The following ITGA4 variants were observed in gnomAD, a reference collection of about 807,000 sequenced individuals.
The protein encoded by ITGA4 is integrin alpha-4.
In ITGA4, 63 loss-of-function variants were observed where a neutral mutation model predicts 133.6. The observed-to-expected ratio is 0.47, with a 90% CI of 0.38 to 0.58. The LOEUF (loss-of-function observed/expected upper bound fraction) is 0.58, where lower values mean the gene tolerates loss of function less well. Among genes scored for constraint, ITGA4 ranks in the 20% least tolerant of loss-of-function variants. The probability of loss-of-function intolerance (pLI) is 0.00; values close to 1 mark genes in which losing one functional copy is unlikely to be tolerated. For synonymous variants in ITGA4, 483 were observed against 438.0 expected, an observed-to-expected ratio of 1.10 and a Z score of -1.28; for missense variants, 1,076 against 1,252.7, an observed-to-expected ratio of 0.86 and a Z score of 2.13.
At chr2:181,510,985 A>C (rs553974424) in intron 16 of ITGA4, among the ~76,000 whole-genome samples, 1 of 152,148 alleles carries the variant, frequency 6.6e-6, no homozygotes, top group East Asian at 1.9e-4. Flanking sequence ...GCTATTTGAC[A>C]GTACTCTAGT....
intron 15 of ITGA4, among the ~76,000 whole-genome samples, chr2:181,509,205 A>G (rs961344544): frequency 1.3e-5 from 2 of 151,314 alleles, no homozygotes; most frequent in East Asian, 3.9e-4. Flanking sequence ...TTTTATAATA[A>G]ATCTGGAGTC....
Position 181,495,914 on chromosome 2 carries a change from G to A in ITGA4, c.1517G>A (p.Gly506Asp). 1 of 1,613,872 alleles carries A rather than the reference G, an allele frequency of 6.2e-7. No homozygotes were observed. Reference sequence around the variant, plus strand: ...CTAACACTTTGTTTCTCATATAAGGGCAAGGAAGTTCCAGGTTACATTGGT... The same window carrying A: ...CTAACACTTTGTTTCTCATATAAGGACAAGGAAGTTCCAGGTTACATTGGT... ...IDLTLCFSYKGKEVPGYIVLF... is the reference protein window; with the variant it reads ...IDLTLCFSYKDKEVPGYIVLF... The change falls in exon 14 of 28, where the codon GGC becomes GAC. Residue 506 changes from glycine (G) to aspartate (D), a missense_variant. By Grantham distance (94) the Gly-to-Asp change is moderately conservative. Coordinates refer to ENST00000397033, the MANE Select transcript of ITGA4 (RefSeq NM_000885.6). The surrounding 1 kb of genome is among the most constrained non-coding windows in gnomAD (Gnocchi z 4.3).
chr2:181,480,118 A>AC lies in ITGA4; in HGVS notation c.625-19_625-18insC. 1 of 1,115,218 alleles carries AC rather than the reference A, an allele frequency of 9.0e-7. No homozygotes were observed. Among genetic ancestry groups the AC allele is most frequent in the Non-Finnish European group, 1.2e-6 (1 of 812,148 alleles). The allele number at this position is 1,115,218 out of a possible 1,614,324, so 69.1% of individuals were successfully genotyped here. A position where few individuals can be genotyped will look rare whatever the true frequency, so the allele number is the denominator to read the frequency against. On this transcript the variant is annotated intron_variant, in intron 5 of 27. Transcript: ENST00000397033. ...GTGAGATTAAAGTTTAAATAATAATAGTTTTTTTTTTCTTACAGGATTTAA... is the reference window on the plus strand; with the variant it reads ...GTGAGATTAAAGTTTAAATAATAATACGTTTTTTTTTTCTTACAGGATTTAA...
At chr2:181,487,241 C>T (rs1353390314) in intron 10 of ITGA4, among the ~76,000 whole-genome samples, 1 of 152,160 alleles carries the variant, frequency 6.6e-6, no homozygotes, top group Non-Finnish European at 1.5e-5. Context: ...TTCCCTTACC[C>T]TCCCAGGACC....
rs773125658 is a variant in ITGA4 at position 181,495,301 on chromosome 2, A to G, written c.1340-70A>G. On this transcript the variant is annotated intron_variant, in intron 12 of 27. Transcript: ENST00000397033. This position sits in a 1 kb window ranked among gnomAD's most constrained non-coding sequence, Gnocchi z 4.3. ...AGTCAAAGGTGATACGTAGTTAAGT[A>G]TTTATGGCTGAAAAATAATTCTCTT... is the stretch of plus-strand genomic sequence containing the variant. 54 of 1,180,438 alleles carry G rather than the reference A, an allele frequency of 4.6e-5. No homozygotes were observed. The highest frequency in any genetic ancestry group is 3.8e-4 in the Middle Eastern group (2 of 5,256). 73.1% of individuals were successfully genotyped at this position (1,180,438 alleles called of 1,614,324 possible).
intron 2 of ITGA4, among the ~76,000 whole-genome samples, chr2:181,468,153 A>G (rs1685465434): frequency 6.6e-6 from 1 of 152,194 alleles, no homozygotes. Context: ...GGAGATAGGC[A>G]TCTTCTGAGG....
chr2:181,493,359 G>A lies in ITGA4; in HGVS notation c.1188G>A (p.Leu396=), dbSNP rs758180504. 1 of 1,612,602 alleles carries A rather than the reference G, an allele frequency of 6.2e-7. No individual in the cohort carries two copies. Among genetic ancestry groups the A allele is most frequent in the Admixed American group, 1.7e-5 (1 of 59,938 alleles). The change falls in exon 11 of 28, where the codon TTG becomes TTA. Residue 396 remains leucine, a synonymous_variant. Transcript: ENST00000397033. ...VAIGAPQEDD[L]QGAIYIYNGR... The stretch of plus-strand genomic sequence containing the variant: ...TCGGAGCTCCACAAGAAGATGACTT[G>A]CAAGGTGCTATTTATATTTACAATG...
intron 2 of ITGA4, among the ~76,000 whole-genome samples, chr2:181,462,266 C>T (rs1018604011): frequency 6.6e-6 from 1 of 152,164 alleles, no homozygotes; most frequent in South Asian, 2.1e-4. Flanking sequence ...GCCTGTCCCT[C>T]TCTTACAGGA....
intron 4 of ITGA4, chr2:181,475,698 G>GT (rs1214217442): frequency 7.6e-7 from 1 of 1,313,954 alleles, no homozygotes; most frequent in Non-Finnish European, 1.0e-6. Context: ...AATAATCAGT[G>GT]TAAGCAAATC....
chr2:181,458,977 G>A (rs890064230), intron 2 of ITGA4: 4 of 152,294 alleles, frequency 2.6e-5, no homozygotes, highest in Non-Finnish European at 5.9e-5. Context: ...CTGATAGAGG[G>A]GAGAAGTTTC....
At chr2:181,490,710 T>A (rs2105741476) in intron 10 of ITGA4, among the ~76,000 whole-genome samples, 1 of 152,274 alleles carries the variant, frequency 6.6e-6, no homozygotes, top group East Asian at 1.9e-4. Flanking sequence ...CTTGAGCAGG[T>A]TATACCTTGT....
Position 181,498,618 on chromosome 2 carries a change from TGCAG to T in ITGA4, c.1541-4_1541-1del, listed in dbSNP as rs1224600812. The T allele has an allele frequency of 1.3e-6, 2 of 1,576,570 alleles. No homozygotes were observed. The highest frequency in any genetic ancestry group is 1.4e-5 in the African/African-American group (1 of 73,804). ...GATTAATTGCAATTCTCTATATTTT[TGCAG>T]TTTTGTTTTATAACATGAGTTTGGA... is the stretch of plus-strand genomic sequence containing the variant. On this transcript the variant is annotated splice_acceptor_variant and splice_polypyrimidine_tract_variant and intron_variant, in intron 14 of 27. Transcript: ENST00000397033. LOFTEE classifies it high-confidence loss of function.
intron 18 of ITGA4, among the ~76,000 whole-genome samples, chr2:181,522,693 T>C (rs1686745518): frequency 6.6e-6 from 1 of 152,176 alleles, no homozygotes; most frequent in African/African-American, 2.4e-5. Flanking sequence ...AGAGTTATAG[T>C]TCTTTATTTT....
intron 10 of ITGA4, among the ~76,000 whole-genome samples, chr2:181,486,705 A>G (rs1685927713): frequency 6.6e-6 from 1 of 152,226 alleles, no homozygotes; most frequent in Non-Finnish European, 1.5e-5. Flanking sequence ...GCTTTTATCA[A>G]TCTAGTTCTA....
intron 26 of ITGA4, 92 bp from the exon 27 acceptor site, chr2:181,534,724 G>C: frequency 9.2e-7 from 1 of 1,087,340 alleles, no homozygotes; most frequent in Non-Finnish European, 1.3e-6. Flanking sequence ...TACTACTGGG[G>C]ATTATGGCAG....
intron 15 of ITGA4, 66 bp downstream of exon 15, chr2:181,498,843 T>C (rs1435302672): frequency 3.3e-6 from 5 of 1,493,862 alleles, no homozygotes; most frequent in East Asian, 4.8e-5. Flanking sequence ...GAGCAACTTA[T>C]TGTATTGGTA....
intron 20 of ITGA4, among the ~76,000 whole-genome samples, chr2:181,524,975 C>T (rs965099546): frequency 2.0e-5 from 3 of 147,564 alleles, no homozygotes; most frequent in Non-Finnish European, 4.5e-5. Flanking sequence ...AAAAAAAATT[C>T]CTCTATCTAG....
In ITGA4 at chr2:181,536,976, TGAAAGTTATC is replaced by T. The variant is rs748892869; in HGVS notation, c.*1450_*1459del. The T allele has an allele frequency of 7.3e-5, 33 of 452,364 alleles. 1 individual carries two copies. The highest frequency in any genetic ancestry group is 5.0e-4 in the South Asian group (32 of 64,048). The allele number at this position is 452,364 out of a possible 1,614,324, so 28.0% of individuals were successfully genotyped here. ...GCCACTAGCCAGCCATCCTAATTGA[TGAAAGTTATC>T]TGTTCACAGGCCTGCAGTGATGGTG... is the stretch of plus-strand genomic sequence containing the variant. On this transcript the variant is annotated 3_prime_UTR_variant, in exon 28 of 28. Transcript: ENST00000397033.
chr2:181,470,996 ATAT>A (rs1341284383), intron 2 of ITGA4, among the ~76,000 whole-genome samples: 2 of 152,178 alleles, frequency 1.3e-5, no homozygotes, highest in Non-Finnish European at 2.9e-5. Context: ...AGTTACCTCA[ATAT>A]TATTGCTGTT....
Sources: gnomAD v4.1 joint callset for allele counts (sites outside exome capture counted in the v4.1 genomes callset) on GRCh38, gnomAD v4.1.1 for gene constraint, Gnocchi (gnomAD v3.1) non-coding constraint, MANE v1.5 for transcripts, NCBI Gene and HGNC (gene_info 2026-07-23, HGNC 2026-07-21) for gene names.